The following ADK variants were observed in gnomAD, a reference collection of about 807,000 sequenced individuals.
ADK encodes N6,N6-dimethyladenosine kinase.
Under a neutral mutation model 44.7 loss-of-function variants are expected in ADK, and 24 were observed. That is an observed-to-expected ratio of 0.54 (90% CI 0.39 to 0.76). The LOEUF (loss-of-function observed/expected upper bound fraction) is 0.76, where lower values mean the gene tolerates loss of function less well. Among genes scored for constraint, ADK ranks in the 30% least tolerant of loss-of-function variants. The pLI, the probability that ADK is intolerant of heterozygous loss-of-function variation, is 0.00. For synonymous variants in ADK, 128 were observed against 142.6 expected (o/e 0.90, Z 0.73); for missense variants, 321 against 425.1 (o/e 0.76, Z 2.15).
intron 6 of ADK, among the ~76,000 whole-genome samples, chr10:74,487,895 A>G (rs73272237): frequency 0.047 from 7,087 of 152,088 alleles, 520 homozygotes; most frequent in African/African-American, 0.15. Flanking sequence ...TATGTTTTCA[A>G]CCAATCAGTA....
chr10:74,257,501 T>C (rs1845872307), intron 3 of ADK, among the ~76,000 whole-genome samples: 1 of 152,198 alleles, frequency 6.6e-6, no homozygotes, highest in Admixed American at 6.5e-5. Context: ...ATGAAAAATA[T>C]GAGTTAATAA....
intron 4 of ADK, chr10:74,371,593 C>G: frequency 8.6e-7 from 1 of 1,160,560 alleles, no homozygotes; most frequent in Non-Finnish European, 1.3e-6. Context: ...AAGTTCCTTG[C>G]AGCAGGAACC....
intron 6 of ADK, among the ~76,000 whole-genome samples, chr10:74,401,521 G>A (rs1287357650): frequency 6.6e-6 from 1 of 151,184 alleles, no homozygotes; most frequent in Non-Finnish European, 1.5e-5. Context: ...TTTGATCTTT[G>A]TTGGTTTAAA....
chr10:74,458,619 T>C (rs934263550), intron 6 of ADK, among the ~76,000 whole-genome samples: 23 of 152,212 alleles, frequency 1.5e-4, no homozygotes, highest in African/African-American at 5.3e-4. Flanking sequence ...AATTTTATTA[T>C]TGCCCTATAT....
chr10:74,433,163 G>A (rs1016484308), intron 6 of ADK, among the ~76,000 whole-genome samples: 1 of 152,170 alleles, frequency 6.6e-6, no homozygotes, highest in Non-Finnish European at 1.5e-5. Context: ...ACTGCAAACA[G>A]TGTATCAGAA....
At chr10:74,690,533 GAT>G (rs1855953305) in intron 10 of ADK, among the ~76,000 whole-genome samples, 1 of 152,162 alleles carries the variant, frequency 6.6e-6, no homozygotes, top group African/African-American at 2.4e-5. Context: ...GATCCTTGAC[GAT>G]ATGTCCCCAT....
chr10:74,405,421 G>A (rs540656371), intron 6 of ADK, among the ~76,000 whole-genome samples: 48 of 141,584 alleles, frequency 3.4e-4, no homozygotes, highest in Non-Finnish European at 5.7e-4. Context: ...TTAGATTAAT[G>A]TATAGCTATA....
chr10:74,167,439 T>C (rs1842061845), intron 1 of ADK, among the ~76,000 whole-genome samples: 1 of 152,250 alleles, frequency 6.6e-6, no homozygotes, highest in African/African-American at 2.4e-5. Context: ...CTGTTCTATA[T>C]GGTGAATAAG....
intron 7 of ADK, among the ~76,000 whole-genome samples, chr10:74,536,175 C>CT (rs1849442424): frequency 6.6e-6 from 1 of 152,030 alleles, no homozygotes. Context: ...TAAAGTTCCT[C>CT]TTTTAACATG....
At chr10:74,218,116 T>C (rs575624229) in intron 2 of ADK, among the ~76,000 whole-genome samples, 12 of 152,150 alleles carry the variant, frequency 7.9e-5, no homozygotes, top group African/African-American at 2.9e-4. Context: ...AGTTAAAAAC[T>C]TTGAAAAAAA....
chr10:74,549,169 A>C (rs1849942037), intron 7 of ADK, among the ~76,000 whole-genome samples: 2 of 152,382 alleles, frequency 1.3e-5, no homozygotes, highest in South Asian at 4.1e-4. Context: ...CAATTTATAA[A>C]TATGAGTACT....
intron 6 of ADK, among the ~76,000 whole-genome samples, chr10:74,480,633 T>G (rs1231876165): frequency 6.6e-6 from 1 of 152,132 alleles, no homozygotes; most frequent in Non-Finnish European, 1.5e-5. Flanking sequence ...TAATTTTATC[T>G]TTTTGCCTGT....
At chr10:74,410,423 C>A (rs1844129307) in intron 6 of ADK, among the ~76,000 whole-genome samples, 1 of 152,066 alleles carries the variant, frequency 6.6e-6, no homozygotes, top group Non-Finnish European at 1.5e-5. Flanking sequence ...CCTGAAATTC[C>A]AGCCCTTCGG....
chr10:74,432,632 C>T (rs779089776), intron 6 of ADK, among the ~76,000 whole-genome samples: 5 of 152,192 alleles, frequency 3.3e-5, no homozygotes, highest in East Asian at 1.9e-4. Flanking sequence ...CTTCATGACA[C>T]GGGATCATCA....
chr10:74,355,103 G>C (rs1013023027), intron 4 of ADK, among the ~76,000 whole-genome samples: 1 of 152,024 alleles, frequency 6.6e-6, no homozygotes, highest in Admixed American at 6.6e-5. Flanking sequence ...CTAGAACTAC[G>C]GGCATGAGAC....
chr10:74,658,683 C>T (rs890406421), intron 9 of ADK, among the ~76,000 whole-genome samples: 1 of 152,052 alleles, frequency 6.6e-6, no homozygotes, highest in East Asian at 1.9e-4. Flanking sequence ...CCTGTCTCAG[C>T]CTCCCAAGGC....
intron 6 of ADK, among the ~76,000 whole-genome samples, chr10:74,403,545 G>A (rs1048492744): frequency 4.6e-5 from 7 of 152,190 alleles, no homozygotes; most frequent in Non-Finnish European, 8.8e-5. Flanking sequence ...GACCCTCCGA[G>A]CCATGCGTGG....
At chr10:74,441,442 TG>T (rs1251436598) in intron 6 of ADK, among the ~76,000 whole-genome samples, 3 of 152,210 alleles carry the variant, frequency 2.0e-5, no homozygotes, top group African/African-American at 7.2e-5. Flanking sequence ...AATGTGTATA[TG>T]AATGTTTATG....
intron 6 of ADK, among the ~76,000 whole-genome samples, chr10:74,422,127 TTAAC>T (rs1844576076): frequency 6.6e-6 from 1 of 152,184 alleles, no homozygotes. Flanking sequence ...AACAACTATG[TTAAC>T]TAAGTGATCA....
Sources: gnomAD v4.1 joint callset for allele counts (sites outside exome capture counted in the v4.1 genomes callset) on GRCh38, gnomAD v4.1.1 for gene constraint, MANE v1.5 for transcripts, NCBI Gene and HGNC (gene_info 2026-07-23, HGNC 2026-07-21) for gene names.